Variants in ATP6AP1 observed in about 807,000 individuals in gnomAD.
ATP6AP1 encodes V-type proton ATPase subunit S1.
In ATP6AP1, 1 loss-of-function variant was observed where a neutral mutation model predicts 32.0. The observed-to-expected ratio is 0.03, with a 90% CI of 0.01 to 0.15. ATP6AP1 has a LOEUF of 0.15. ATP6AP1 is among the 10% of genes least tolerant of loss of function. The probability of loss-of-function intolerance (pLI) is 1.00; values close to 1 mark genes in which losing one functional copy is unlikely to be tolerated. For missense variants in ATP6AP1, 297 were observed against 398.8 expected, an observed-to-expected ratio of 0.74 and a Z score of 2.17; for synonymous variants, 187 against 174.9, an observed-to-expected ratio of 1.07 and a Z score of -0.55.
chrX:154,433,227 G>C (rs782512267), intron 5 of ATP6AP1, among the ~76,000 whole-genome samples: 1 of 112,249 alleles, frequency 8.9e-6, no homozygotes, highest in African/African-American at 3.2e-5. Context: ...GCCAGTTTCT[G>C]TGCAGGCAGC....
chrX:154,435,953 C>A lies in ATP6AP1; in HGVS notation c.*62C>A. On this transcript the variant is annotated 3_prime_UTR_variant, in exon 10 of 10. Coordinates refer to ENST00000369762, the MANE Select transcript of ATP6AP1 (RefSeq NM_001183.6). ...TCCGTGTTGTTGCTTTCCCACCCTG[C>A]AGCGCACTGGACTGAAGAGCTTCCC... is the stretch of plus-strand genomic sequence containing the variant. 1 of 1,052,706 alleles carries A rather than the reference C, an allele frequency of 9.5e-7. No homozygotes were observed. The highest frequency in any genetic ancestry group is 1.3e-6 in the Non-Finnish European group (1 of 757,356). The allele number at this position is 1,052,706 out of a possible 1,213,427, so 86.8% of individuals were successfully genotyped here. A position where few individuals can be genotyped will look rare whatever the true frequency, so the allele number is the denominator to read the frequency against.
At position 154,436,149 on chromosome X, in the gene ATP6AP1, G is replaced by A. The variant is rs1274378404; in HGVS notation, c.*258G>A. The A allele has an allele frequency of 5.0e-6, 2 of 398,241 alleles. No homozygotes were observed. Among genetic ancestry groups the A allele is most frequent in the Non-Finnish European group, 8.7e-6 (2 of 229,632 alleles). The allele number at this position is 398,241 out of a possible 1,213,427, so 32.8% of individuals were successfully genotyped here. ...GGGTTCGTCGCTGTGAGGCGTAAGG[G>A]ACATGAATTCTAGGGTCTCCTTTCT... On this transcript the variant is annotated 3_prime_UTR_variant, in exon 10 of 10. Coordinates refer to ENST00000369762, the MANE Select transcript of ATP6AP1 (RefSeq NM_001183.6).
chrX:154,435,358 C>T lies in ATP6AP1; in HGVS notation c.1056C>T (p.Ser352=), dbSNP rs1557197491. 1.2e-5 allele frequency: 15 copies of T among 1,211,966 alleles called. No homozygotes were observed. The highest frequency in any genetic ancestry group is 5.3e-5 in the South Asian group (3 of 57,022). Residue 352 remains serine, a synonymous_variant, in exon 9 of 10, where the codon TCC becomes TCT. Transcript: ENST00000369762. ...GCCTCGAAGTCCACAGCAATGGCTC[C>T]GTCGCCTACTTCAATGCTTCCCAGG... ...MERLEVHSNG[S]VAYFNASQVT...
In ATP6AP1 at chrX:154,428,772, C is replaced by G; in HGVS notation, c.80C>G (p.Pro27Arg). ...GCGCTCTGGCGCATGCCGTGGCTGC[C>G]GGTGTTTTTGTCGTTGGCGGCGGCG... ...AQALWRMPWL[P>R]VFLSLAAAAA... The change falls in exon 1 of 10, where the codon CCG becomes CGG. Residue 27 changes from proline to arginine, a missense_variant. By Grantham distance (103) the Pro-to-Arg change is moderately radical. Transcript: ENST00000369762. 1 of 1,133,772 alleles carries G rather than the reference C, an allele frequency of 8.8e-7. No individual in the cohort carries two copies. 93.4% of individuals were successfully genotyped at this position (1,133,772 alleles called of 1,213,427 possible).
At chrX:154,432,228 C>G (rs782184429) in intron 3 of ATP6AP1, 38 bp from the exon 4 acceptor site, 2 of 1,148,338 alleles carry the variant, frequency 1.7e-6, no homozygotes, top group East Asian at 6.0e-5. Flanking sequence ...CCCACTGGCC[C>G]CTGGCTAACT....
intron 6 of ATP6AP1, 101 bp from the exon 7 acceptor site, chrX:154,434,107 C>G: frequency 1.2e-6 from 1 of 818,624 alleles, no homozygotes; most frequent in Non-Finnish European, 1.8e-6. Context: ...AGATAGTGGA[C>G]AGGGTGTCCT....
Position 154,433,678 on chromosome X carries a change from T to C in ATP6AP1, c.642T>C (p.Asp214=), listed in dbSNP as rs1417412589. 35 of 1,210,570 alleles carry C rather than the reference T, an allele frequency of 2.9e-5. No individual in the cohort carries two copies. Among genetic ancestry groups the C allele is most frequent in the Non-Finnish European group, 3.7e-5 (33 of 895,275 alleles). Residue 214 remains aspartate, a synonymous_variant, in exon 6 of 10, where the codon GAT becomes GAC. Coordinates refer to ENST00000369762, the MANE Select transcript of ATP6AP1 (RefSeq NM_001183.6). The stretch of plus-strand genomic sequence containing the variant: ...TCCTGAGCACACTCAAGTCCGAAGA[T>C]GTCCCATACACAGCGGCCCTCACAG... ...GQVLSTLKSE[D]VPYTAALTAV... is the part of the protein sequence containing the mutation.
Position 154,433,705 on chromosome X carries a change from G to T in ATP6AP1, c.669G>T (p.Ala223=), listed in dbSNP as rs150353253. Residue 223 remains alanine, a synonymous_variant, in exon 6 of 10, where the codon GCG becomes GCT. Transcript: ENST00000369762. ...TCCCATACACAGCGGCCCTCACAGC[G>T]GTCCGCCCTTCCAGGGTATGTGCCC... ...EDVPYTAALT[A]VRPSRVARDV... 1.7e-5 allele frequency: 20 copies of T among 1,209,675 alleles called. No individual in the cohort carries two copies. The highest frequency in any genetic ancestry group is 2.2e-5 in the Non-Finnish European group (20 of 894,676).
chrX:154,432,477 C>T lies in ATP6AP1; in HGVS notation c.557+18C>T, dbSNP rs2068699312. On this transcript the variant is annotated intron_variant, in intron 4 of 9. Coordinates refer to ENST00000369762, the MANE Select transcript of ATP6AP1 (RefSeq NM_001183.6). ...ACAGCCAGGTACTGCCCGCATGGCC[C>T]AGCCACCAGCCTCGGGGCCCAGAGA... The T allele has an allele frequency of 1.7e-6, 2 of 1,155,787 alleles. No homozygotes were observed. The highest frequency in any genetic ancestry group is 1.8e-5 in the African/African-American group (1 of 56,597).
intron 4 of ATP6AP1, 25 bp downstream of exon 4, chrX:154,432,484 C>A: frequency 8.7e-7 from 1 of 1,151,233 alleles, no homozygotes; most frequent in South Asian, 2.0e-5. Flanking sequence ...GCCCAGCCAC[C>A]AGCCTCGGGG....
chrX:154,435,765 G>A lies in ATP6AP1; in HGVS notation c.1287G>A (p.Gly429=), dbSNP rs2068716143. 8.3e-7 allele frequency: 1 copy of A among 1,209,978 alleles called. No individual in the cohort carries two copies. The highest frequency in any genetic ancestry group is 1.8e-5 in the African/African-American group (1 of 57,089). Residue 429 remains glycine, a synonymous_variant, in exon 10 of 10, where the codon GGG becomes GGA. Coordinates refer to ENST00000369762, the MANE Select transcript of ATP6AP1 (RefSeq NM_001183.6). The part of the protein sequence containing the change: ...ASFFSPGIWM[G]LLTSLFMLFI... ...TCTTCTCCCCCGGCATCTGGATGGGGCTGCTCACCTCCCTGTTCATGCTCT... is the reference window on the plus strand; with the variant it reads ...TCTTCTCCCCCGGCATCTGGATGGGACTGCTCACCTCCCTGTTCATGCTCT...
chrX:154,433,753 T>C, intron 6 of ATP6AP1, 33 bp downstream of exon 6: 1 of 1,182,859 alleles, frequency 8.5e-7, no homozygotes, highest in Non-Finnish European at 1.1e-6. Context: ...CTCTGGGGCG[T>C]GCAGGGAGAG....
chrX:154,430,492 C>T (rs2068687880), intron 2 of ATP6AP1: 1 of 111,978 alleles, frequency 8.9e-6, no homozygotes, highest in Non-Finnish European at 1.9e-5. Flanking sequence ...TTCACCCATT[C>T]ATTCATTTGC....
chrX:154,431,618 A>C (rs922755499), intron 2 of ATP6AP1: 2 of 437,490 alleles, frequency 4.6e-6, no homozygotes, highest in Admixed American at 7.6e-5. Flanking sequence ...ACTGCCTTCC[A>C]TGTCTTCTCA....
At chrX:154,435,024 TG>T in intron 7 of ATP6AP1, 114 bp from the exon 8 acceptor site, 1 of 799,005 alleles carries the variant, frequency 1.3e-6, no homozygotes, top group Non-Finnish European at 1.8e-6. Flanking sequence ...CTTCTTCAGG[TG>T]GCTGCAAGGA....
intron 3 of ATP6AP1, 52 bp downstream of exon 3, chrX:154,431,956 T>A: frequency 8.6e-7 from 1 of 1,157,443 alleles, no homozygotes. Flanking sequence ...GTGCTCCTTC[T>A]CCCAGCATAA....
rs2068697442 is a variant in ATP6AP1 at position 154,432,247 on chromosome X, G to C, written c.364-19G>C. The C allele has an allele frequency of 5.1e-6, 6 of 1,178,102 alleles. No individual in the cohort carries two copies. The highest frequency in any genetic ancestry group is 1.7e-5 in the African/African-American group (1 of 57,242). On this transcript the variant is annotated intron_variant, in intron 3 of 9. Transcript: ENST00000369762. Reference sequence around the variant, plus strand: ...CTGGCCCCTGGCTAACTCACCTTTTGCCTCTCCCCTGTCCCCAGAATGCCC... The same window carrying C: ...CTGGCCCCTGGCTAACTCACCTTTTCCCTCTCCCCTGTCCCCAGAATGCCC...
Position 154,436,262 on chromosome X carries a change from C to A in ATP6AP1, c.*371C>A. The A allele has an allele frequency of 4.9e-6, 1 of 205,709 alleles. No homozygotes were observed. The allele number at this position is 205,709 out of a possible 1,213,427, so 17.0% of individuals were successfully genotyped here. On this transcript the variant is annotated 3_prime_UTR_variant, in exon 10 of 10. Transcript: ENST00000369762. ...CTCCCTCCTTAAGGTTATAGGGCTCCCTGAGTTTGGGAGTGTGGAAGTACT... is the reference window on the plus strand; with the variant it reads ...CTCCCTCCTTAAGGTTATAGGGCTCACTGAGTTTGGGAGTGTGGAAGTACT...
rs781941934 is a variant in ATP6AP1 at position 154,431,949 on chromosome X, C to T, written c.363+45C>T. 46 of 1,160,592 alleles carry T rather than the reference C, an allele frequency of 4.0e-5. No homozygotes were observed. The South Asian group carries it at 7.4e-4, about 19-fold the overall frequency. On this transcript the variant is annotated intron_variant, in intron 3 of 9. Transcript: ENST00000369762. ...CAGGGGCCATGGGGGACATTCTGTG[C>T]TCCTTCTCCCAGCATAAGAACTGTA...
Sources: gnomAD v4.1 joint callset for allele counts (sites outside exome capture counted in the v4.1 genomes callset) on GRCh38, gnomAD v4.1.1 for gene constraint, MANE v1.5 for transcripts, NCBI Gene and HGNC (gene_info 2026-07-23, HGNC 2026-07-21) for gene names.